RNASEH2B: variants seen among roughly 807,000 people sequenced by gnomAD.
RNASEH2B encodes the protein Aicardi-Goutieres syndrome 2 protein.
Under a neutral mutation model 45.0 loss-of-function variants are expected in RNASEH2B, and 36 were observed. The ratio of observed to expected loss-of-function variants is 0.80; its 90% CI spans 0.61 to 1.06. RNASEH2B has a LOEUF of 1.06. Ranked by LOEUF, RNASEH2B falls within the 50% of genes least tolerant of loss-of-function variation. The probability of loss-of-function intolerance (pLI) is 0.00; values close to 1 mark genes in which losing one functional copy is unlikely to be tolerated. For synonymous variants in RNASEH2B, 119 were observed against 125.7 expected, an observed-to-expected ratio of 0.95 and a Z score of 0.35; for missense variants, 361 against 360.3, an observed-to-expected ratio of 1.00 and a Z score of -0.02.
chr13:50,918,916 T>C (rs1203217113), intron 1 of RNASEH2B, among the ~76,000 whole-genome samples: 3 of 152,208 alleles, frequency 2.0e-5, no homozygotes, highest in Non-Finnish European at 2.9e-5. Context: ...TTTTCTTTTT[T>C]CTATTGGATC....
intron 5 of RNASEH2B, chr13:50,941,833 C>CT (rs1299667900): frequency 6.6e-6 from 1 of 152,174 alleles, no homozygotes; most frequent in African/African-American, 2.4e-5. Flanking sequence ...ACCTGTCCCT[C>CT]TTTTTTGTTA....
chr13:50,913,718 T>C (rs1020581591), intron 1 of RNASEH2B, among the ~76,000 whole-genome samples: 3 of 152,168 alleles, frequency 2.0e-5, no homozygotes, highest in African/African-American at 7.2e-5. Flanking sequence ...ATTGCACTTA[T>C]TATTTATTTC....
At chr13:50,968,243 A>C (rs984741978) in intron 9 of RNASEH2B, among the ~76,000 whole-genome samples, 1 of 152,062 alleles carries the variant, frequency 6.6e-6, no homozygotes, top group Non-Finnish European at 1.5e-5. Context: ...AAAAAAAAAA[A>C]TAAAAAATTA....
downstream of RNASEH2B, among the ~76,000 whole-genome samples, chr13:50,957,407 C>A (rs186650829): frequency 1.3e-5 from 2 of 152,246 alleles, no homozygotes; most frequent in Admixed American, 1.3e-4. Context: ...CAGCTGCATC[C>A]ATTTTGCTGC....
chr13:50,970,383 G>C (rs1376338442), exon 10 of RNASEH2B: 3 of 371,540 alleles, frequency 8.1e-6, no homozygotes, highest in Non-Finnish European at 1.4e-5. Context: ...CAATTTGGAA[G>C]CTTCTAATTC....
At chr13:50,929,696 G>A (rs1307030656) in intron 3 of RNASEH2B, 114 bp downstream of exon 3, 7 of 721,812 alleles carry the variant, frequency 9.7e-6, no homozygotes, top group Non-Finnish European at 1.8e-5. Flanking sequence ...CACTGGTTTA[G>A]CCTTCCTTGG....
chr13:50,915,708 C>G (rs1465417771), intron 1 of RNASEH2B, among the ~76,000 whole-genome samples: 3 of 152,200 alleles, frequency 2.0e-5, no homozygotes, highest in African/African-American at 4.8e-5. Flanking sequence ...GGCCTTTATT[C>G]AGAGCTACCT....
At chr13:50,919,426 G>C (rs1240926288) in intron 1 of RNASEH2B, among the ~76,000 whole-genome samples, 1 of 152,180 alleles carries the variant, frequency 6.6e-6, no homozygotes, top group Non-Finnish European at 1.5e-5. Flanking sequence ...AGTATATGCA[G>C]CTATGTATAG....
intron 9 of RNASEH2B, among the ~76,000 whole-genome samples, chr13:50,967,453 A>T (rs1952177051): frequency 6.6e-6 from 1 of 152,272 alleles, no homozygotes; most frequent in Non-Finnish European, 1.5e-5. Flanking sequence ...CAACTTTGAC[A>T]TGAATTTATG....
intron 1 of RNASEH2B, among the ~76,000 whole-genome samples, chr13:50,924,386 G>A (rs993307478): frequency 1.3e-5 from 2 of 152,172 alleles, no homozygotes; most frequent in African/African-American, 4.8e-5. Context: ...GAGAGCTGGA[G>A]TGGCAATACT....
intron 2 of RNASEH2B, 75 bp from the exon 3 acceptor site, chr13:50,929,400 T>C: frequency 1.1e-6 from 1 of 877,864 alleles, no homozygotes; most frequent in Non-Finnish European, 1.9e-6. Context: ...AGATACTGGA[T>C]AGTCTTTTGG....
rs1386792631 is a variant in RNASEH2B at position 50,954,146 on chromosome 13, A to T, written c.822+161A>T. The T allele has an allele frequency of 2.2e-5, 15 of 677,052 alleles. No homozygotes were observed. The Admixed American group carries it at 3.1e-4, about 14-fold the overall frequency. The allele number at this position is 677,052 out of a possible 1,614,324, so 41.9% of individuals were successfully genotyped here. On this transcript the variant is annotated intron_variant, in intron 10 of 10. Coordinates refer to ENST00000336617, the MANE Select transcript of RNASEH2B (RefSeq NM_024570.4). ...TTAATAATTAAGAATTGCATATGACAATGAAAATGTTAAGCAACTAAGACT... is the reference window on the plus strand; with the variant it reads ...TTAATAATTAAGAATTGCATATGACTATGAAAATGTTAAGCAACTAAGACT...
At chr13:50,919,422 T>C (rs1191877040) in intron 1 of RNASEH2B, among the ~76,000 whole-genome samples, 3 of 152,224 alleles carry the variant, frequency 2.0e-5, no homozygotes, top group Admixed American at 2.0e-4. Context: ...GAGAAGTATA[T>C]GCAGCTATGT....
chr13:50,919,008 T>C (rs916905258), intron 1 of RNASEH2B, among the ~76,000 whole-genome samples: 1 of 152,216 alleles, frequency 6.6e-6, no homozygotes, highest in African/African-American at 2.4e-5. Flanking sequence ...TTCTCCTCCA[T>C]GTAACAGTGG....
chr13:50,914,439 A>G (rs750917003), intron 1 of RNASEH2B, among the ~76,000 whole-genome samples: 21 of 152,256 alleles, frequency 1.4e-4, no homozygotes, highest in Non-Finnish European at 2.6e-4. Context: ...AATTAAGCTC[A>G]GCTTTTTGGA....
chr13:50,966,605 C>T (rs903330397), intron 9 of RNASEH2B, among the ~76,000 whole-genome samples: 1 of 151,906 alleles, frequency 6.6e-6, no homozygotes, highest in South Asian at 2.1e-4. Flanking sequence ...TAGTCTCAGA[C>T]CCTGTCATCT....
rs7988981 is a variant in RNASEH2B, at chr13:50,916,423, C to G, written c.64+6283C>G. On this transcript the variant is annotated intron_variant, in intron 1 of 10. Coordinates refer to ENST00000336617, the MANE Select transcript of RNASEH2B (RefSeq NM_024570.4). ...ATTTTGATAAGGACAGAAACTCACA[C>G]AGTGATATGAAACAAGTTGACAAAG... Among the ~76,000 whole-genome samples, 723 of 152,166 alleles carry G rather than the reference C, an allele frequency of 4.8e-3. 9 individuals carry two copies. Among genetic ancestry groups the G allele is most frequent in the African/African-American group, 0.016 (654 of 41,516 alleles).
At chr13:50,946,724 C>T (rs1951904925) in intron 7 of RNASEH2B, among the ~76,000 whole-genome samples, 2 of 152,132 alleles carry the variant, frequency 1.3e-5, no homozygotes, top group African/African-American at 4.8e-5. Flanking sequence ...TACCAGTACT[C>T]TACATATTAA....
chr13:50,946,101 GA>G (rs764113664), intron 7 of RNASEH2B, among the ~76,000 whole-genome samples: 1 of 152,078 alleles, frequency 6.6e-6, no homozygotes, highest in Non-Finnish European at 1.5e-5. Context: ...GATTTTAGAT[GA>G]AAATTGATTT....
Sources: gnomAD v4.1 joint callset for allele counts (sites outside exome capture counted in the v4.1 genomes callset) on GRCh38, gnomAD v4.1.1 for gene constraint, MANE v1.5 for transcripts, NCBI Gene and HGNC (gene_info 2026-07-23, HGNC 2026-07-21) for gene names.